Variants in TPST1 observed in about 807,000 individuals in gnomAD.
TPST1 encodes tyrosylprotein sulfotransferase 1.
Under a neutral mutation model 34.8 loss-of-function variants are expected in TPST1, and 20 were observed. The ratio of observed to expected loss-of-function variants is 0.57; its 90% CI spans 0.40 to 0.84. The LOEUF (loss-of-function observed/expected upper bound fraction) is 0.84, where lower values mean the gene tolerates loss of function less well. Ranked by LOEUF, TPST1 falls within the 40% of genes least tolerant of loss-of-function variation. The probability of loss-of-function intolerance (pLI) is 0.00; values close to 1 mark genes in which losing one functional copy is unlikely to be tolerated. For missense variants in TPST1, 353 were observed against 455.5 expected (o/e 0.78, Z 2.05); for synonymous variants, 152 against 159.4 (o/e 0.95, Z 0.35).
intron 1 of TPST1, among the ~76,000 whole-genome samples, chr7:66,228,715 T>C (rs1422719402): frequency 6.6e-6 from 1 of 152,208 alleles, no homozygotes; most frequent in Non-Finnish European, 1.5e-5. Flanking sequence ...ACAAGACTTT[T>C]TCTAGGATCA....
intron 3 of TPST1, among the ~76,000 whole-genome samples, chr7:66,322,274 A>C (rs1238857129): frequency 5.3e-5 from 8 of 152,230 alleles, no homozygotes; most frequent in Non-Finnish European, 4.4e-5. Flanking sequence ...ATACTCTCTT[A>C]AAGATTTACA....
intron 1 of TPST1, among the ~76,000 whole-genome samples, chr7:66,208,298 A>C (rs1411239324): frequency 6.6e-6 from 1 of 152,146 alleles, no homozygotes; most frequent in Non-Finnish European, 1.5e-5. Context: ...AGAGATGACT[A>C]CAGGGTGCTC....
intron 3 of TPST1, among the ~76,000 whole-genome samples, chr7:66,294,549 A>G (rs1294786388): frequency 2.6e-5 from 4 of 151,974 alleles, no homozygotes; most frequent in East Asian, 1.9e-4. Context: ...AAACCATCAC[A>G]TATGAGGGCA....
At chr7:66,221,379 A>G (rs1229137116) in intron 1 of TPST1, among the ~76,000 whole-genome samples, 11 of 152,198 alleles carry the variant, frequency 7.2e-5, no homozygotes. Flanking sequence ...GGGAGAAACT[A>G]CATAAAGGTT....
At chr7:66,311,911 C>A (rs1164618647) in intron 3 of TPST1, among the ~76,000 whole-genome samples, 2 of 152,174 alleles carry the variant, frequency 1.3e-5, no homozygotes, top group African/African-American at 4.8e-5. Flanking sequence ...TCTTCTCTCC[C>A]AGCTTTGGCA....
At chr7:66,355,195 C>T (rs748877625) in intron 4 of TPST1, among the ~76,000 whole-genome samples, 3 of 151,930 alleles carry the variant, frequency 2.0e-5, no homozygotes, top group East Asian at 1.9e-4. Flanking sequence ...TATCTGGAGC[C>T]GAGTGCAGTG....
intron 3 of TPST1, among the ~76,000 whole-genome samples, chr7:66,302,017 A>G (rs1462686035): frequency 1.2e-4 from 18 of 152,230 alleles, no homozygotes. Flanking sequence ...TTGCTTCTTC[A>G]CATGTCTTAG....
intron 2 of TPST1, among the ~76,000 whole-genome samples, chr7:66,264,141 C>T (rs1256792794): frequency 6.6e-6 from 1 of 152,140 alleles, no homozygotes; most frequent in African/African-American, 2.4e-5. Flanking sequence ...TCAGAACTGC[C>T]CTACTTCTGA....
At chr7:66,331,874 G>A (rs900862498) in intron 3 of TPST1, among the ~76,000 whole-genome samples, 5 of 151,990 alleles carry the variant, frequency 3.3e-5, no homozygotes, top group Non-Finnish European at 5.9e-5. Flanking sequence ...ATAGGAGCAC[G>A]AACACTTTTG....
At chr7:66,247,891 T>C (rs1790183897) in intron 2 of TPST1, among the ~76,000 whole-genome samples, 1 of 152,238 alleles carries the variant, frequency 6.6e-6, no homozygotes, top group Non-Finnish European at 1.5e-5. Flanking sequence ...CGCCCTGTTA[T>C]GCCTGACCTA....
At position 66,258,353 on chromosome 7, in the gene TPST1, C is replaced by T. The variant is rs990609869; in HGVS notation, c.845+17083C>T. ...TTAGGTTCTAAACCACAAGTTTTCT[C>T]ACCTGTGAATAGTATTTCCAGTATC... On this transcript the variant is annotated intron_variant, in intron 2 of 5. Coordinates refer to ENST00000304842, the MANE Select transcript of TPST1 (RefSeq NM_003596.4). 1.1e-4 allele frequency among the ~76,000 whole-genome samples: 17 copies of T among 152,356 alleles called. No individual in the cohort carries two copies. In the South Asian group the frequency reaches 3.3e-3, roughly 30 times the overall value.
chr7:66,275,162 C>G (rs1790781373), intron 2 of TPST1, among the ~76,000 whole-genome samples: 2 of 151,874 alleles, frequency 1.3e-5, no homozygotes, highest in Non-Finnish European at 2.9e-5. Context: ...CCACTGCACT[C>G]CAGCCTGGGT....
At chr7:66,325,217 GA>G (rs1343236355) in intron 3 of TPST1, among the ~76,000 whole-genome samples, 1 of 152,128 alleles carries the variant, frequency 6.6e-6, no homozygotes, top group African/African-American at 2.4e-5. Context: ...CATCTCGTGA[GA>G]ACTCACTCAC....
chr7:66,328,929 T>TTTTG (rs67603233), intron 3 of TPST1, among the ~76,000 whole-genome samples: 1 of 121,310 alleles, frequency 8.2e-6, no homozygotes, highest in Non-Finnish European at 1.7e-5. Context: ...TTTTTTTTTT[T>TTTTG]GAGACAGGGT....
At position 66,241,173 on chromosome 7, in the gene TPST1, A is replaced by T. The variant is rs762284426; in HGVS notation, c.748A>T (p.Met250Leu). 6.2e-7 allele frequency: 1 copy of T among 1,614,222 alleles called. No homozygotes were observed. Among genetic ancestry groups the T allele is most frequent in the Non-Finnish European group, 8.5e-7 (1 of 1,180,036 alleles). The change falls in exon 2 of 6, where the codon ATG becomes TTG. Residue 250 changes from methionine (M) to leucine (L), a missense_variant. By Grantham distance (15) the Met-to-Leu change is conservative. Coordinates refer to ENST00000304842, the MANE Select transcript of TPST1 (RefSeq NM_003596.4). ...EQLVLHPERW[M>L]RTLLKFLQIP... is the part of the protein sequence containing the mutation. Reference sequence around the variant, plus strand: ...ACTTGTCTTACATCCTGAACGGTGGATGAGAACACTCTTAAAGTTCCTCCA... The same window carrying T: ...ACTTGTCTTACATCCTGAACGGTGGTTGAGAACACTCTTAAAGTTCCTCCA...
At chr7:66,241,739 T>C (rs999231542) in intron 2 of TPST1, among the ~76,000 whole-genome samples, 2 of 152,316 alleles carry the variant, frequency 1.3e-5, no homozygotes, top group East Asian at 1.9e-4. Flanking sequence ...CATTTTGAAA[T>C]TTTTAGTGGT....
At position 66,236,799 on chromosome 7, in the gene TPST1, G is replaced by T. The variant is rs181980514; in HGVS notation, c.-101-3526G>T. Reference sequence around the variant, plus strand: ...TTCAATAAAGCTTTTTTAAAAACAAGTGTGCACACACTTTATAATTGTTTT... The same window carrying T: ...TTCAATAAAGCTTTTTTAAAAACAATTGTGCACACACTTTATAATTGTTTT... On this transcript the variant is annotated intron_variant, in intron 1 of 5. Coordinates refer to ENST00000304842, the MANE Select transcript of TPST1 (RefSeq NM_003596.4). Among the ~76,000 whole-genome samples, 232 of 152,250 alleles carry T rather than the reference G, an allele frequency of 1.5e-3. 1 individual carries two copies. Among genetic ancestry groups the T allele is most frequent in the East Asian group, 2.3e-3 (12 of 5,182 alleles).
At chr7:66,327,329 C>T (rs918836326) in intron 3 of TPST1, among the ~76,000 whole-genome samples, 1 of 152,076 alleles carries the variant, frequency 6.6e-6, no homozygotes, top group Non-Finnish European at 1.5e-5. Flanking sequence ...AATGAGTTTA[C>T]AGAAAGAAAG....
chr7:66,219,407 C>T (rs1408069012), intron 1 of TPST1, among the ~76,000 whole-genome samples: 2 of 152,166 alleles, frequency 1.3e-5, no homozygotes, highest in African/African-American at 4.8e-5. Flanking sequence ...TACTTTCTAG[C>T]CTCCGTATAT....
Sources: gnomAD v4.1 joint callset for allele counts (sites outside exome capture counted in the v4.1 genomes callset) on GRCh38, gnomAD v4.1.1 for gene constraint, MANE v1.5 for transcripts, NCBI Gene and HGNC (gene_info 2026-07-23, HGNC 2026-07-21) for gene names.